SGCZ: variants seen among roughly 807,000 people sequenced by gnomAD.
SGCZ encodes the protein zeta-sarcoglycan.
A neutral mutation model predicts 41.3 loss-of-function variants in SGCZ; 40 were observed. The ratio of observed to expected loss-of-function variants is 0.97; its 90% confidence interval spans 0.75 to 1.26. SGCZ has a LOEUF of 1.26. Among genes scored for constraint, SGCZ ranks in the 50% most tolerant of loss-of-function variants. The pLI is 0.00. For missense variants in SGCZ, 552 were observed against 369.8 expected, an observed-to-expected ratio of 1.49 and a Z score of -4.04; for synonymous variants, 206 against 137.5, an observed-to-expected ratio of 1.50 and a Z score of -3.49.
intron 1 of SGCZ, among the ~76,000 whole-genome samples, chr8:14,735,555 C>T (rs997855319): frequency 2.6e-5 from 4 of 152,176 alleles, no homozygotes; most frequent in African/African-American, 9.6e-5. Flanking sequence ...AGACTGATGC[C>T]TGCACTATTG....
chr8:14,371,378 G>A (rs1468106863), intron 2 of SGCZ, among the ~76,000 whole-genome samples: 1 of 151,986 alleles, frequency 6.6e-6, no homozygotes, highest in Non-Finnish European at 1.5e-5. Flanking sequence ...TCAGTTAAGT[G>A]ATAACATTTT....
At chr8:15,116,831 A>C (rs1204148219) in intron 1 of SGCZ, among the ~76,000 whole-genome samples, 1 of 152,240 alleles carries the variant, frequency 6.6e-6, no homozygotes, top group Non-Finnish European at 1.5e-5. Context: ...TTGGTAATAC[A>C]CAAGTGCTGT....
In SGCZ at chr8:15,206,878, G is replaced by T. The variant is rs780904346; in HGVS notation, c.39+30707C>A. On this transcript the variant is annotated intron_variant, in intron 1 of 7. Transcript: ENST00000382080. ...GAATTTGACCTTAGTATGCAAAAGG[G>T]GTCAGAATTGGAATGAAAGGTAGGA... Among the ~76,000 whole-genome samples the T allele has an allele frequency of 2.0e-5, 3 of 152,080 alleles. No individual in the cohort carries two copies. In the East Asian group the frequency reaches 5.8e-4, roughly 29 times the overall value.
chr8:14,147,376 T>A (rs1339641291), intron 5 of SGCZ, among the ~76,000 whole-genome samples: 1 of 152,098 alleles, frequency 6.6e-6, no homozygotes, highest in African/African-American at 2.4e-5. Flanking sequence ...GAAAAAGATA[T>A]TCCATGCCAA....
At chr8:14,144,990 G>A (rs978669148) in intron 5 of SGCZ, among the ~76,000 whole-genome samples, 1 of 152,130 alleles carries the variant, frequency 6.6e-6, no homozygotes, top group Admixed American at 6.6e-5. Flanking sequence ...AGACTTCTAA[G>A]GTTTTTAACT....
chr8:14,900,821 C>A (rs1798946445), intron 1 of SGCZ, among the ~76,000 whole-genome samples: 1 of 152,140 alleles, frequency 6.6e-6, no homozygotes, highest in Admixed American at 6.5e-5. Context: ...AATTCAGAAT[C>A]TTTCCTTAAA....
At chr8:15,175,120 TTAAAAA>T in intron 1 of SGCZ, among the ~76,000 whole-genome samples, 1 of 151,758 alleles carries the variant, frequency 6.6e-6, no homozygotes, top group African/African-American at 2.4e-5. Context: ...AAACTAAAAA[TTAAAAA>T]TAAATTTAAA....
At chr8:14,395,371 A>G (rs1037337279) in intron 2 of SGCZ, among the ~76,000 whole-genome samples, 3 of 152,184 alleles carry the variant, frequency 2.0e-5, no homozygotes, top group African/African-American at 4.8e-5. Context: ...TTAGCAGAAG[A>G]AAAAACATGA....
intron 5 of SGCZ, among the ~76,000 whole-genome samples, chr8:14,112,410 G>A (rs1045117463): frequency 3.3e-5 from 5 of 151,904 alleles, no homozygotes; most frequent in African/African-American, 9.7e-5. Flanking sequence ...TAGCCTCCCA[G>A]CCCTATGGCA....
At chr8:14,804,631 T>C (rs200157206) in intron 1 of SGCZ, among the ~76,000 whole-genome samples, 2 of 145,778 alleles carry the variant, frequency 1.4e-5, no homozygotes, top group Admixed American at 7.1e-5. Context: ...ATGCAGAGAA[T>C]GGAACCAAGT....
chr8:14,420,702 C>T (rs1285648377), intron 2 of SGCZ, among the ~76,000 whole-genome samples: 2 of 151,978 alleles, frequency 1.3e-5, no homozygotes, highest in African/African-American at 4.8e-5. Flanking sequence ...TGTGACGAGC[C>T]CACCAGACAG....
chr8:14,832,529 G>A (rs1802567460), intron 1 of SGCZ, among the ~76,000 whole-genome samples: 1 of 152,094 alleles, frequency 6.6e-6, no homozygotes, highest in Non-Finnish European at 1.5e-5. Context: ...TTTTCCTTCT[G>A]TGTAAATTTG....
chr8:14,375,787 A>C (rs1386087197), intron 2 of SGCZ, among the ~76,000 whole-genome samples: 2 of 152,156 alleles, frequency 1.3e-5, no homozygotes, highest in Non-Finnish European at 2.9e-5. Flanking sequence ...AAAATGAATA[A>C]ATTAAATTCC....
At chr8:14,610,939 T>A (rs62493061) in intron 1 of SGCZ, among the ~76,000 whole-genome samples, 22,186 of 152,214 alleles carry the variant, frequency 0.15, 2,054 homozygotes, top group South Asian at 0.22. Context: ...CAAACCTTCA[T>A]ATTAATTCTT....
At chr8:15,208,927 G>C (rs974707635) in intron 1 of SGCZ, among the ~76,000 whole-genome samples, 1 of 148,210 alleles carries the variant, frequency 6.7e-6, no homozygotes, top group African/African-American at 2.5e-5. Context: ...AGAGAGAATT[G>C]TTCCTAATAC....
At chr8:15,156,290 T>G (rs947282774) in intron 1 of SGCZ, among the ~76,000 whole-genome samples, 1 of 152,136 alleles carries the variant, frequency 6.6e-6, no homozygotes, top group East Asian at 1.9e-4. Flanking sequence ...AGATTGTCAC[T>G]AGGCAATCTA....
At chr8:14,203,132 T>A (rs142438746) in intron 4 of SGCZ, among the ~76,000 whole-genome samples, 422 of 152,330 alleles carry the variant, frequency 2.8e-3, no homozygotes, top group African/African-American at 9.8e-3. Flanking sequence ...GTAAGCCCAA[T>A]AAACCTCTTT....
intron 1 of SGCZ, among the ~76,000 whole-genome samples, chr8:15,051,501 T>G (rs1267465775): frequency 6.6e-6 from 1 of 152,164 alleles, no homozygotes; most frequent in Non-Finnish European, 1.5e-5. Context: ...GGTGGACATA[T>G]GCGTATATTT....
intron 1 of SGCZ, among the ~76,000 whole-genome samples, chr8:15,194,239 C>T (rs891991362): frequency 6.7e-6 from 1 of 149,484 alleles, no homozygotes; most frequent in Admixed American, 6.7e-5. Context: ...CACAACCCTC[C>T]CTTTGGTATA....
Sources: gnomAD v4.1 joint callset for allele counts (sites outside exome capture counted in the v4.1 genomes callset) on GRCh38, gnomAD v4.1.1 for gene constraint, MANE v1.5 for transcripts, NCBI Gene and HGNC (gene_info 2026-07-23, HGNC 2026-07-21) for gene names.